The following ARHGAP6 variants were observed in gnomAD, a reference collection of about 807,000 sequenced individuals.
ARHGAP6 encodes Rho GTPase activating protein 6.
ARHGAP6 carries 16 observed loss-of-function variants against 55.7 expected under a neutral mutation model. The ratio of observed to expected loss-of-function variants is 0.29; its 90% confidence interval spans 0.19 to 0.44. The LOEUF is 0.44. Ranked by LOEUF, ARHGAP6 falls within the 20% of genes least tolerant of loss-of-function variation. The pLI is 1.00. For missense variants in ARHGAP6, 698 were observed against 808.9 expected (o/e 0.86, Z 1.66); for synonymous variants, 382 against 360.9 (o/e 1.06, Z -0.66).
chrX:11,600,215 G>T (rs11095551), intron 1 of ARHGAP6, among the ~76,000 whole-genome samples: 20,041 of 110,909 alleles, frequency 0.18, 1,521 homozygotes, highest in African/African-American at 0.25. Flanking sequence ...AACAGTATCA[G>T]TATGCAGAAG....
intron 10 of ARHGAP6, 123 bp from the exon 11 acceptor site, chrX:11,144,371 A>G: frequency 3.1e-6 from 3 of 963,267 alleles, no homozygotes; most frequent in Non-Finnish European, 4.3e-6. Flanking sequence ...AAACAAAAAG[A>G]CCATTTTGAG....
intron 1 of ARHGAP6, among the ~76,000 whole-genome samples, chrX:11,485,895 C>A (rs778429568): frequency 1.8e-5 from 2 of 112,175 alleles, no homozygotes. Flanking sequence ...TTCTCTCCAA[C>A]TCATTCATAC....
chrX:11,544,079 G>GCC (rs1314436181), intron 1 of ARHGAP6, among the ~76,000 whole-genome samples: 9 of 111,990 alleles, frequency 8.0e-5, no homozygotes, highest in Non-Finnish European at 1.7e-4. Context: ...GCTCCCTATG[G>GCC]CCCCCTTTCT....
At chrX:11,317,848 G>A (rs763948171) in intron 1 of ARHGAP6, among the ~76,000 whole-genome samples, 68 of 111,641 alleles carry the variant, frequency 6.1e-4, no homozygotes, top group Non-Finnish European at 1.2e-3. Context: ...AGAGCAGGAA[G>A]GAATTTTAGG....
intron 3 of ARHGAP6, among the ~76,000 whole-genome samples, chrX:11,192,499 C>A: frequency 8.9e-6 from 1 of 111,863 alleles, no homozygotes; most frequent in Non-Finnish European, 1.9e-5. Flanking sequence ...GAAGTACTAG[C>A]ACTCAATGAC....
At position 11,156,550 on chromosome X, in the gene ARHGAP6, C is replaced by A. The variant is rs72558045; in HGVS notation, c.1886G>T (p.Arg629Ile). The A allele has an allele frequency of 7.4e-6, 9 of 1,208,317 alleles. No individual in the cohort carries two copies. Among genetic ancestry groups the A allele is most frequent in the Non-Finnish European group, 1.0e-5 (9 of 893,708 alleles). ...TDPDVVDYLL[R>I]RKASQSSSPD... ...TCACGATGATTGGGAAGCCTTTCTT[C>A]TGAGTAAATAGTCCACGACATCAGG... The change falls in exon 10 of 13, where the codon AGA becomes ATA. Residue 629 changes from arginine (R) to isoleucine (I), a missense_variant. Arg to Ile is a moderately conservative substitution (Grantham distance 97, BLOSUM62 -3). Around this residue, in one of 3 missense-constraint regions of ARHGAP6, gnomAD observed 322 missense variants for 451.1 expected, o/e 0.71. Coordinates refer to ENST00000337414, the MANE Select transcript of ARHGAP6 (RefSeq NM_013427.3).
chrX:11,435,562 C>G (rs1163186196), intron 1 of ARHGAP6, among the ~76,000 whole-genome samples: 1 of 111,861 alleles, frequency 8.9e-6, no homozygotes, highest in Non-Finnish European at 1.9e-5. Context: ...CAATTCCTTG[C>G]AGCACCACAC....
At chrX:11,210,509 T>G (rs941970433) in intron 2 of ARHGAP6, among the ~76,000 whole-genome samples, 13 of 112,662 alleles carry the variant, frequency 1.2e-4, no homozygotes, top group African/African-American at 4.2e-4. Context: ...AGAATGATAA[T>G]TCAGCCTCAT....
chrX:11,320,766 T>TACACAC (rs56815077), intron 1 of ARHGAP6, among the ~76,000 whole-genome samples: 2,600 of 85,611 alleles, frequency 0.03, 78 homozygotes, highest in East Asian at 0.14. Flanking sequence ...AATATCTCTT[T>TACACAC]ACACACACAC....
chrX:11,374,497 G>A (rs1164362216), intron 1 of ARHGAP6, among the ~76,000 whole-genome samples: 1 of 112,180 alleles, frequency 8.9e-6, no homozygotes, highest in African/African-American at 3.2e-5. Context: ...CATTTAAAGT[G>A]TTAGCTTTTT....
Position 11,302,161 on chromosome X carries a change from A to G in ARHGAP6, c.589-47454T>C, listed in dbSNP as rs189753985. On this transcript the variant is annotated intron_variant, in intron 1 of 12. Coordinates refer to ENST00000337414, the MANE Select transcript of ARHGAP6 (RefSeq NM_013427.3). ...ACTTAAAATTCAATTCCTCCGTCAT[A>G]GTAGACACATTTTAAGCGCTAAATA... Among the ~76,000 whole-genome samples, 40 of 112,561 alleles carry G rather than the reference A, an allele frequency of 3.6e-4. 1 individual carries two copies. The highest frequency in any genetic ancestry group is 1.3e-3 in the African/African-American group (40 of 31,058).
At chrX:11,217,384 C>T (rs949702564) in intron 2 of ARHGAP6, among the ~76,000 whole-genome samples, 2 of 111,847 alleles carry the variant, frequency 1.8e-5, no homozygotes, top group African/African-American at 6.5e-5. Flanking sequence ...CTGTTGTTTC[C>T]TGACTTTTTA....
intron 1 of ARHGAP6, among the ~76,000 whole-genome samples, chrX:11,400,114 TTA>T (rs989341968): frequency 8.9e-6 from 1 of 111,894 alleles, no homozygotes; most frequent in African/African-American, 3.2e-5. Context: ...CAGCAATTCT[TTA>T]TGAGGTGATC....
At chrX:11,550,721 G>A (rs186604153) in intron 1 of ARHGAP6, among the ~76,000 whole-genome samples, 6 of 112,163 alleles carry the variant, frequency 5.3e-5, no homozygotes, top group Non-Finnish European at 1.1e-4. Context: ...AAGATCATTG[G>A]AATAACTGCA....
At chrX:11,356,631 TC>T (rs2048934101) in intron 1 of ARHGAP6, among the ~76,000 whole-genome samples, 1 of 111,345 alleles carries the variant, frequency 9.0e-6, no homozygotes, top group Admixed American at 9.6e-5. Context: ...AATCTCTTGA[TC>T]ACTGTTAATT....
At chrX:11,520,776 C>A (rs369959248) in intron 1 of ARHGAP6, among the ~76,000 whole-genome samples, 29 of 111,822 alleles carry the variant, frequency 2.6e-4, no homozygotes, top group Non-Finnish European at 4.5e-4. Context: ...ACAGTCCCAA[C>A]AACGGTGTAA....
At chrX:11,210,619 T>C (rs1421955049) in intron 2 of ARHGAP6, among the ~76,000 whole-genome samples, 1 of 112,464 alleles carries the variant, frequency 8.9e-6, no homozygotes, top group Admixed American at 9.4e-5. Flanking sequence ...TTACAGCATC[T>C]TTCACAAGTG....
intron 1 of ARHGAP6, among the ~76,000 whole-genome samples, chrX:11,407,483 C>T (rs889303902): frequency 3.2e-4 from 36 of 112,048 alleles, no homozygotes; most frequent in African/African-American, 1.1e-3. Flanking sequence ...TGTGTACACA[C>T]ATTTCATTTC....
chrX:11,583,886 G>T (rs1415318666), intron 1 of ARHGAP6, among the ~76,000 whole-genome samples: 1 of 111,989 alleles, frequency 8.9e-6, no homozygotes, highest in Non-Finnish European at 1.9e-5. Context: ...GAAAGAAACT[G>T]ATTTATCTTG....
Sources: allele counts gnomAD v4.1 joint callset (sites outside exome capture counted in the v4.1 genomes callset), GRCh38; gene constraint gnomAD v4.1.1; regional missense constraint gnomAD v4.1.1; transcripts MANE v1.5; gene names NCBI Gene and HGNC (gene_info 2026-07-23, HGNC 2026-07-21).